The following GANC variants were observed in gnomAD, a reference collection of about 807,000 sequenced individuals.
The protein encoded by GANC is neutral alpha-glucosidase C.
Under a neutral mutation model 124.2 loss-of-function variants are expected in GANC, and 117 were observed. That is an observed-to-expected ratio of 0.94 (90% confidence interval 0.81 to 1.10). GANC has a LOEUF of 1.10. GANC is among the 50% of genes least tolerant of loss of function. The pLI, the probability that GANC is intolerant of heterozygous loss-of-function variation, is 0.00. For missense variants in GANC, 1,140 were observed against 1,095.0 expected, an observed-to-expected ratio of 1.04 and a Z score of -0.58; for synonymous variants, 377 against 376.8, an observed-to-expected ratio of 1.00 and a Z score of -0.01.
At chr15:42,282,927 G>A (rs2051748159) in intron 3 of GANC, among the ~76,000 whole-genome samples, 1 of 152,182 alleles carries the variant, frequency 6.6e-6, no homozygotes, top group South Asian at 2.1e-4. Context: ...ATAGTGGAGA[G>A]AGAGTGTGTA....
intron 1 of GANC, among the ~76,000 whole-genome samples, chr15:42,275,348 T>G (rs559572961): frequency 3.9e-5 from 6 of 152,284 alleles, no homozygotes; most frequent in African/African-American, 1.4e-4. Flanking sequence ...CACTCCAACG[T>G]AGGAGGCAGA....
At chr15:42,345,905 C>A in intron 20 of GANC, 73 bp downstream of exon 20, 2 of 1,032,604 alleles carry the variant, frequency 1.9e-6, no homozygotes, top group South Asian at 1.4e-5. Flanking sequence ...TGACAAAATA[C>A]CACAGACTGG....
At position 42,292,883 on chromosome 15, in the gene GANC, T is replaced by C. The variant is rs558437446; in HGVS notation, c.478T>C (p.Tyr160His). Residue 160 changes from tyrosine (Y) to histidine (H), a missense_variant, in exon 5 of 24, where the codon TAC (tyrosine) becomes CAC (histidine). By Grantham distance (83) the Tyr-to-His change is moderately conservative (BLOSUM62 2). Coordinates refer to ENST00000318010, the MANE Select transcript of GANC (RefSeq NM_198141.3). ...VISINSLGQL[Y>H]FEHLQILHKQ... The stretch of plus-strand genomic sequence containing the variant: ...TAGCATAAATTCCCTGGGCCAATTA[T>C]ACTTTGAGCATCTACAGATTCTTCA... The C allele has an allele frequency of 3.1e-6, 5 of 1,614,130 alleles. No homozygotes were observed. The highest frequency in any genetic ancestry group is 4.2e-6 in the Non-Finnish European group (5 of 1,179,966).
At chr15:42,280,915 A>T in intron 3 of GANC, 1 of 701,818 alleles carries the variant, frequency 1.4e-6, no homozygotes, top group Non-Finnish European at 2.6e-6. Flanking sequence ...AATGCTCTTC[A>T]GGTCAGGTGC....
In GANC at chr15:42,273,566, G is replaced by T. The variant is rs1050848791; in HGVS notation, c.-916G>T. The T allele has an allele frequency of 3.2e-6, 4 of 1,244,904 alleles. No individual in the cohort carries two copies. The highest frequency in any genetic ancestry group is 2.6e-5 in the Admixed American group (1 of 38,388). 77.1% of individuals were successfully genotyped at this position (1,244,904 alleles called of 1,614,324 possible). On this transcript the variant is annotated 5_prime_UTR_variant, in exon 1 of 24. Coordinates refer to ENST00000318010, the MANE Select transcript of GANC (RefSeq NM_198141.3). ...TCTCTCAGACAGTCGTCTGTGCGCC[G>T]TGAGACTTTGGACCTACTGCGCAGG...
chr15:42,278,585 A>G lies in GANC; in HGVS notation c.196A>G (p.Ser66Gly). The G allele has an allele frequency of 6.2e-7, 1 of 1,603,030 alleles. No homozygotes were observed. The highest frequency in any genetic ancestry group is 1.3e-5 in the African/African-American group (1 of 74,838). Residue 66 changes from serine (S) to glycine (G), a missense_variant, in exon 3 of 24, where the codon AGT becomes GGT. By Grantham distance (56) the Ser-to-Gly change is moderately conservative. Transcript: ENST00000318010. Reference sequence around the variant, plus strand: ...CAGGTTCCAAATCATCAATGAAGCAAGTAAGGTGAGATGGAAGTATTTTCT... The same window carrying G: ...CAGGTTCCAAATCATCAATGAAGCAGGTAAGGTGAGATGGAAGTATTTTCT... ...STRFQIINEASKVPLLAEIYG... is the reference protein window; with the variant it reads ...STRFQIINEAGKVPLLAEIYG...
At chr15:42,334,371 A>C (rs2052268437) in intron 15 of GANC, among the ~76,000 whole-genome samples, 1 of 152,142 alleles carries the variant, frequency 6.6e-6, no homozygotes, top group Non-Finnish European at 1.5e-5. Flanking sequence ...CATGTTGGGC[A>C]GTCCGGTCTT....
chr15:42,334,408 C>T (rs1026867656), intron 15 of GANC, among the ~76,000 whole-genome samples: 1 of 152,154 alleles, frequency 6.6e-6, no homozygotes, highest in Non-Finnish European at 1.5e-5. Flanking sequence ...GTGATCTGCC[C>T]TCCTCGGCTT....
chr15:42,353,629 G>C lies in GANC; in HGVS notation c.*1490G>C. ...AACTGTTAGCTGTGATTAGTTAGCT[G>C]GTGGATTTAATTGATTAAAAAATTA... On this transcript the variant is annotated 3_prime_UTR_variant, in exon 24 of 24. Coordinates refer to ENST00000318010, the MANE Select transcript of GANC (RefSeq NM_198141.3). 1.0e-6 allele frequency: 1 copy of C among 985,518 alleles called. No individual in the cohort carries two copies. Among genetic ancestry groups the C allele is most frequent in the South Asian group, 4.7e-5 (1 of 21,282 alleles). The allele number at this position is 985,518 out of a possible 1,614,324, so 61.0% of individuals were successfully genotyped here.
Position 42,310,308 on chromosome 15 carries a change from A to G in GANC, c.748A>G (p.Asn250Asp), listed in dbSNP as rs1343211013. 1 of 1,607,206 alleles carries G rather than the reference A, an allele frequency of 6.2e-7. No homozygotes were observed. Among genetic ancestry groups the G allele is most frequent in the East Asian group, 2.2e-5 (1 of 44,830 alleles). Reference protein sequence around the residue: ...TGDGDAYRLYNLDVYGYQIYD... With the variant: ...TGDGDAYRLYDLDVYGYQIYD... The stretch of plus-strand genomic sequence containing the variant: ...TGATGGAGATGCTTACCGTCTTTAT[A>G]ACCTGGATGTCTATGGATACCAAAT... The change falls in exon 9 of 24, where the codon AAC becomes GAC. Residue 250 changes from asparagine (N) to aspartate (D), a missense_variant. By Grantham distance (23) the Asn-to-Asp change is conservative. Coordinates refer to ENST00000318010, the MANE Select transcript of GANC (RefSeq NM_198141.3).
intron 10 of GANC, chr15:42,314,072 T>C (rs776695704): frequency 1.4e-6 from 1 of 713,532 alleles, no homozygotes; most frequent in South Asian, 1.5e-5. Context: ...AGCCTACCTC[T>C]TTTACAGACA....
At chr15:42,328,389 A>C (rs2052213471) in intron 13 of GANC, among the ~76,000 whole-genome samples, 1 of 152,160 alleles carries the variant, frequency 6.6e-6, no homozygotes, top group Non-Finnish European at 1.5e-5. Flanking sequence ...CCTTTACCAA[A>C]AATGTTTGCC....
chr15:42,351,322 A>G lies in GANC; in HGVS notation c.2532-7A>G, dbSNP rs765175361. 1.2e-6 allele frequency: 2 copies of G among 1,606,562 alleles called. No individual in the cohort carries two copies. Among genetic ancestry groups the G allele is most frequent in the East Asian group, 2.2e-5 (1 of 44,840 alleles). ...TCTCCTTTTAATACTGTTTGTATCTATTCCAGTTTTGCTGACCAGAGGGGT... is the reference window on the plus strand; with the variant it reads ...TCTCCTTTTAATACTGTTTGTATCTGTTCCAGTTTTGCTGACCAGAGGGGT... On this transcript the variant is annotated splice_region_variant and splice_polypyrimidine_tract_variant and intron_variant, in intron 22 of 23. Transcript: ENST00000318010.
In GANC at chr15:42,306,592, T is replaced by C; in HGVS notation, c.605T>C (p.Phe202Ser). The C allele has an allele frequency of 6.2e-7, 1 of 1,612,766 alleles. No individual in the cohort carries two copies. Among genetic ancestry groups the C allele is most frequent in the Non-Finnish European group, 8.5e-7 (1 of 1,179,030 alleles). ...LGLWEEKFGKFVDIKANGPSS... is the reference protein window; with the variant it reads ...LGLWEEKFGKSVDIKANGPSS... ...CTGTGGGAAGAGAAATTTGGAAAAT[T>C]TGTGGATATCAAAGCTAATGGTAAA... The change falls in exon 7 of 24, where the codon TTT becomes TCT. Residue 202 changes from phenylalanine to serine, a missense_variant. Transcript: ENST00000318010.
Position 42,308,291 on chromosome 15 carries a change from C to CAGAAT in GANC, c.696_700dup (p.Ser234Ter), listed in dbSNP as rs767479709. The CAGAAT allele has an allele frequency of 2.2e-5, 36 of 1,607,510 alleles. No homozygotes were observed. The highest frequency in any genetic ancestry group is 3.1e-5 in the Non-Finnish European group (36 of 1,175,010). On this transcript the variant is annotated frameshift_variant, in exon 8 of 24. Transcript: ENST00000318010. LOFTEE classifies it high-confidence loss of function. ...CATCTTTATGGGATCCCACAACATG[C>CAGAAT]AGAATCACACCAACTTAAAAATACT...
At chr15:42,340,973 C>T (rs1448384827) in intron 18 of GANC, among the ~76,000 whole-genome samples, 1 of 151,852 alleles carries the variant, frequency 6.6e-6, no homozygotes, top group Non-Finnish European at 1.5e-5. Flanking sequence ...ATCATCTTGG[C>T]CAGGCTGGTC....
At chr15:42,346,683 T>G (rs1159073283) in intron 20 of GANC, among the ~76,000 whole-genome samples, 1 of 152,218 alleles carries the variant, frequency 6.6e-6, no homozygotes, top group Non-Finnish European at 1.5e-5. Flanking sequence ...AGTCACCATA[T>G]GTGCCATCTG....
At chr15:42,283,778 C>T (rs1283877342) in intron 3 of GANC, 7 of 702,452 alleles carry the variant, frequency 1.0e-5, no homozygotes, top group South Asian at 3.0e-5. Context: ...GCACAACTAC[C>T]GCTTATTAGC....
At position 42,276,382 on chromosome 15, in the gene GANC, A is replaced by G; in HGVS notation, c.64A>G (p.Arg22Gly). The G allele has an allele frequency of 6.9e-7, 1 of 1,445,880 alleles. No homozygotes were observed. The highest frequency in any genetic ancestry group is 9.7e-7 in the Non-Finnish European group (1 of 1,029,554). The allele number at this position is 1,445,880 out of a possible 1,614,324, so 89.6% of individuals were successfully genotyped here. Residue 22 changes from arginine (R) to glycine (G), a missense_variant, in exon 2 of 24, where the codon AGA becomes GGA. Arg to Gly is a moderately radical substitution (Grantham distance 125). Coordinates refer to ENST00000318010, the MANE Select transcript of GANC (RefSeq NM_198141.3). ...EDEAVDKNIFRDCNKIAFYRR... is the reference protein window; with the variant it reads ...EDEAVDKNIFGDCNKIAFYRR... Reference sequence around the variant, plus strand: ...TGAAGCTGTAGATAAAAACATTTTCAGAGACTGTAACAAGATCGCATTTTA... The same window carrying G: ...TGAAGCTGTAGATAAAAACATTTTCGGAGACTGTAACAAGATCGCATTTTA...
Sources: allele counts gnomAD v4.1 joint callset (sites outside exome capture counted in the v4.1 genomes callset), GRCh38; gene constraint gnomAD v4.1.1; transcripts MANE v1.5; gene names NCBI Gene and HGNC (gene_info 2026-07-23, HGNC 2026-07-21).